Variants in CNTNAP2 observed in about 807,000 individuals in gnomAD.
CNTNAP2 encodes contactin associated protein 2.
CNTNAP2 carries 98 observed loss-of-function variants against 155.2 expected under a neutral mutation model. The ratio of observed to expected loss-of-function variants is 0.63; its 90% CI spans 0.54 to 0.75. The LOEUF (loss-of-function observed/expected upper bound fraction) is 0.75, where lower values mean the gene tolerates loss of function less well. Among genes scored for constraint, CNTNAP2 ranks in the 30% least tolerant of loss-of-function variants. The pLI, the probability that CNTNAP2 is intolerant of heterozygous loss-of-function variation, is 0.00. For missense variants in CNTNAP2, 1,727 were observed against 1,688.1 expected (o/e 1.02, Z -0.40); for synonymous variants, 651 against 631.2 (o/e 1.03, Z -0.47).
chr7:146,747,951 T>C (rs1400756877), intron 1 of CNTNAP2, among the ~76,000 whole-genome samples: 2 of 152,216 alleles, frequency 1.3e-5, no homozygotes, highest in Admixed American at 1.3e-4. Flanking sequence ...GGGATGAAAC[T>C]GCCTGCTATA....
chr7:147,732,749 T>C (rs1473689604), intron 13 of CNTNAP2, among the ~76,000 whole-genome samples: 1 of 152,244 alleles, frequency 6.6e-6, no homozygotes, highest in African/African-American at 2.4e-5. Flanking sequence ...TGAGATGGTA[T>C]CTCATTGTGG....
rs528184692 is a variant in CNTNAP2, at chr7:148,209,532, A to C, written c.3011-7756A>C. 5.5e-3 allele frequency among the ~76,000 whole-genome samples: 838 copies of C among 151,898 alleles called. 4 individuals are homozygous for C. Among genetic ancestry groups the C allele is most frequent in the Middle Eastern group, 0.01 (3 of 292 alleles). On this transcript the variant is annotated intron_variant, in intron 18 of 23. Transcript: ENST00000361727. ...AATTGTCACCACCATCTATCCAAAA[A>C]TCCGAGTCTGTCTTAACACTCTTTC... is the stretch of plus-strand genomic sequence containing the variant.
At chr7:147,880,853 G>GT (rs1799506946) in intron 13 of CNTNAP2, among the ~76,000 whole-genome samples, 2 of 106,848 alleles carry the variant, frequency 1.9e-5, no homozygotes, top group Non-Finnish European at 3.7e-5. Context: ...GATTGGAGTT[G>GT]GGTGTGTGTG....
intron 13 of CNTNAP2, among the ~76,000 whole-genome samples, chr7:147,853,376 C>G (rs940613936): frequency 6.6e-6 from 1 of 152,162 alleles, no homozygotes; most frequent in African/African-American, 2.4e-5. Flanking sequence ...ATAGAGACAA[C>G]CCATTTGTAC....
At chr7:146,555,408 C>T (rs1057239789) in intron 1 of CNTNAP2, among the ~76,000 whole-genome samples, 6 of 152,120 alleles carry the variant, frequency 3.9e-5, no homozygotes, top group Non-Finnish European at 5.9e-5. Flanking sequence ...TATGTATCAT[C>T]TATTTACTGA....
chr7:147,838,071 C>A (rs1443524919), intron 13 of CNTNAP2, among the ~76,000 whole-genome samples: 1 of 152,206 alleles, frequency 6.6e-6, no homozygotes, highest in Non-Finnish European at 1.5e-5. Flanking sequence ...TACCTTCAGG[C>A]TCAATACCAT....
chr7:147,898,945 A>G (rs1314369381), intron 13 of CNTNAP2, among the ~76,000 whole-genome samples: 2 of 145,754 alleles, frequency 1.4e-5, no homozygotes, highest in Non-Finnish European at 3.0e-5. Flanking sequence ...AGGTTCATCC[A>G]TGTTGTCACA....
intron 13 of CNTNAP2, chr7:147,850,117 A>G (rs1798902711): frequency 6.6e-6 from 1 of 152,226 alleles, no homozygotes; most frequent in Non-Finnish European, 1.5e-5. Flanking sequence ...GCAAAAAGAA[A>G]TGTTTCTACT....
chr7:146,413,256 G>T (rs10242387), intron 1 of CNTNAP2, among the ~76,000 whole-genome samples: 13,297 of 152,108 alleles, frequency 0.087, 646 homozygotes, highest in Middle Eastern at 0.13. Flanking sequence ...AGAGAAGAGG[G>T]TCTGCATGTC....
At chr7:148,322,764 G>GTT (rs146110131) in intron 21 of CNTNAP2, among the ~76,000 whole-genome samples, 20 of 138,024 alleles carry the variant, frequency 1.4e-4, no homozygotes, top group African/African-American at 4.1e-4. Context: ...TAAATAAGTA[G>GTT]TTTTGTTTTG....
intron 12 of CNTNAP2, among the ~76,000 whole-genome samples, chr7:147,609,835 C>T (rs1221546588): frequency 6.6e-6 from 1 of 151,966 alleles, no homozygotes; most frequent in Non-Finnish European, 1.5e-5. Context: ...GCTTATATAC[C>T]TTCTTCCCAG....
At position 148,201,415 on chromosome 7, in the gene CNTNAP2, A is replaced by G. The variant is rs150896758; in HGVS notation, c.3011-15873A>G. 4.6e-5 allele frequency among the ~76,000 whole-genome samples: 7 copies of G among 152,326 alleles called. No homozygotes were observed. In the East Asian group the frequency reaches 1.2e-3, roughly 25 times the overall value. ...CCTGTGACCTCATCACCATTTTTCTAATATTGCTCAGCTCATTAGCCTTGA... is the reference window on the plus strand; with the variant it reads ...CCTGTGACCTCATCACCATTTTTCTGATATTGCTCAGCTCATTAGCCTTGA... On this transcript the variant is annotated intron_variant, in intron 18 of 23. Coordinates refer to ENST00000361727, the MANE Select transcript of CNTNAP2 (RefSeq NM_014141.6).
chr7:147,196,974 G>A (rs572076247), intron 8 of CNTNAP2, among the ~76,000 whole-genome samples: 3 of 152,172 alleles, frequency 2.0e-5, no homozygotes, highest in East Asian at 3.9e-4. Flanking sequence ...GCTGATTTAC[G>A]CGGACTTCTA....
chr7:146,138,136 A>C (rs538764606), intron 1 of CNTNAP2, among the ~76,000 whole-genome samples: 1 of 152,270 alleles, frequency 6.6e-6, no homozygotes, highest in South Asian at 2.1e-4. Flanking sequence ...AAAACTATAA[A>C]ACTTTAAGTA....
At chr7:148,008,745 C>A (rs1188536967) in intron 15 of CNTNAP2, among the ~76,000 whole-genome samples, 2 of 152,236 alleles carry the variant, frequency 1.3e-5, no homozygotes, top group Non-Finnish European at 2.9e-5. Flanking sequence ...GTCTCTGAAA[C>A]AATGACACAT....
chr7:147,450,407 C>T (rs747120380), intron 10 of CNTNAP2, among the ~76,000 whole-genome samples: 81 of 152,102 alleles, frequency 5.3e-4, no homozygotes, highest in Non-Finnish European at 1.0e-3. Context: ...AGAGTTTTTC[C>T]CCAGTGCCTT....
At chr7:148,174,421 C>CCA in intron 18 of CNTNAP2, among the ~76,000 whole-genome samples, 1 of 144,082 alleles carries the variant, frequency 6.9e-6, no homozygotes, top group East Asian at 1.9e-4. Flanking sequence ...CCTGTGACCG[C>CCA]CCCCCACCTC....
intron 9 of CNTNAP2, among the ~76,000 whole-genome samples, chr7:147,377,507 T>A (rs1216669690): frequency 1.3e-5 from 2 of 151,970 alleles, no homozygotes; most frequent in Non-Finnish European, 2.9e-5. Context: ...CTTGTATTTC[T>A]CTCTTTTCTG....
At chr7:146,901,916 C>G (rs1335671568) in intron 3 of CNTNAP2, among the ~76,000 whole-genome samples, 1 of 137,624 alleles carries the variant, frequency 7.3e-6, no homozygotes, top group Non-Finnish European at 1.5e-5. Context: ...GGCTCTGTCA[C>G]CCAGGCTGGA....
Sources: gnomAD v4.1 joint callset for allele counts (sites outside exome capture counted in the v4.1 genomes callset) on GRCh38, gnomAD v4.1.1 for gene constraint, MANE v1.5 for transcripts, NCBI Gene and HGNC (gene_info 2026-07-23, HGNC 2026-07-21) for gene names.